LTBP3: variants seen among roughly 807,000 people sequenced by gnomAD.
The protein encoded by LTBP3 is latent-transforming growth factor beta-binding protein 3.
LTBP3 carries 97 observed loss-of-function variants against 159.7 expected under a neutral mutation model. The observed-to-expected ratio is 0.61, with a 90% CI of 0.52 to 0.72. The LOEUF (loss-of-function observed/expected upper bound fraction) is 0.72, where lower values mean the gene tolerates loss of function less well. Ranked by LOEUF, LTBP3 falls within the 30% of genes least tolerant of loss-of-function variation. The probability of loss-of-function intolerance (pLI) is 0.00; values close to 1 mark genes in which losing one functional copy is unlikely to be tolerated. For missense variants in LTBP3, 1,584 were observed against 1,864.3 expected (o/e 0.85, Z 2.77); for synonymous variants, 824 against 777.1 (o/e 1.06, Z -1.00).
Position 65,543,133 on chromosome 11 carries a change from A to G in LTBP3, c.2568T>C (p.His856=), listed in dbSNP as rs769259701. 9.3e-6 allele frequency: 15 copies of G among 1,614,138 alleles called. No homozygotes were observed. Among genetic ancestry groups the G allele is most frequent in the South Asian group, 6.6e-5 (6 of 91,086 alleles). The part of the protein sequence containing the change: ...GSYRCLCPQG[H]RLVGGRKCQD... The stretch of plus-strand genomic sequence containing the variant: ...GGCATTTCCTGCCACCCACCAGCCG[A>G]TGCCCCTGGGGGCAAAGACATCTGT... Residue 856 remains histidine (H), a synonymous_variant, in exon 18 of 28, where the codon CAT becomes CAC. Coordinates refer to ENST00000301873, the MANE Select transcript of LTBP3 (RefSeq NM_001130144.3).
chr11:65,554,314 G>C lies in LTBP3; in HGVS notation c.398C>G (p.Pro133Arg). 1.2e-6 allele frequency: 2 copies of C among 1,611,920 alleles called. No individual in the cohort carries two copies. Among genetic ancestry groups the C allele is most frequent in the Non-Finnish European group, 1.7e-6 (2 of 1,179,674 alleles). The change falls in exon 2 of 28, where the codon CCG (proline) becomes CGG (arginine). Residue 133 changes from proline (P) to arginine (R), a missense_variant. Physicochemically the swap from Pro to Arg is moderately radical, Grantham distance 103. Coordinates refer to ENST00000301873, the MANE Select transcript of LTBP3 (RefSeq NM_001130144.3). The surrounding 1 kb of genome is among the most constrained non-coding windows in gnomAD (Gnocchi z 5.3). ...CSSRNQCLCP[P>R]DFTGRFCQVP... Reference sequence around the variant, plus strand: ...CTGGCAGAAGCGCCCAGTGAAGTCCGGGGGACACAGGCACTGGTTTCGCGA... The same window carrying C: ...CTGGCAGAAGCGCCCAGTGAAGTCCCGGGGACACAGGCACTGGTTTCGCGA...
In LTBP3 at chr11:65,558,250, A is replaced by G. The variant is rs1590792833; in HGVS notation, c.-291T>C. ...CAAGTTGAGGCGGAGAGGAGGAGCGAGGGAGAGGAAGGCCGGGCGGCCGGC... is the reference window on the plus strand; with the variant it reads ...CAAGTTGAGGCGGAGAGGAGGAGCGGGGGAGAGGAAGGCCGGGCGGCCGGC... On this transcript the variant is annotated 5_prime_UTR_variant, in exon 1 of 28. Transcript: ENST00000301873. 9.9e-7 allele frequency: 1 copy of G among 1,014,156 alleles called. No homozygotes were observed. The highest frequency in any genetic ancestry group is 6.2e-5 in the East Asian group (1 of 16,202). The allele number at this position is 1,014,156 out of a possible 1,614,324, so 62.8% of individuals were successfully genotyped here.
intron 8 of LTBP3, 194 bp downstream of exon 8, chr11:65,551,778 A>T (rs1319151758): frequency 2.2e-6 from 2 of 906,996 alleles, no homozygotes; most frequent in Non-Finnish European, 3.5e-6. Flanking sequence ...GTCAGGCTGT[A>T]GAAGGCTTAG....
intron 16 of LTBP3, chr11:65,545,011 C>A (rs1856306323): frequency 6.4e-6 from 1 of 155,894 alleles, no homozygotes; most frequent in African/African-American, 2.4e-5. Context: ...CTACCAGGGA[C>A]CTTCTTGCCA....
At chr11:65,541,000 C>G (rs141170789) in intron 20 of LTBP3, 46 bp from the exon 21 acceptor site, 14 of 1,594,984 alleles carry the variant, frequency 8.8e-6, no homozygotes, top group Non-Finnish European at 1.2e-5. Context: ...CAGGACTGAG[C>G]GCGCGCGTGG....
chr11:65,551,061 G>A (rs1014634955), intron 11 of LTBP3, 65 bp downstream of exon 11: 4 of 1,302,374 alleles, frequency 3.1e-6, no homozygotes, highest in South Asian at 2.5e-5. Flanking sequence ...GGGGCGGGAG[G>A]GAGGAGAGAA....
chr11:65,553,757 G>A lies in LTBP3; in HGVS notation c.808C>T (p.Pro270Ser), dbSNP rs762151824. Residue 270 changes from proline to serine, a missense_variant, in exon 3 of 28, where the codon CCG becomes TCG. This residue lies in a region of LTBP3 where 194 missense variants were observed against 198.7 expected (regional missense o/e 0.98). Transcript: ENST00000301873. This position sits in a 1 kb window ranked among gnomAD's most constrained non-coding sequence, Gnocchi z 6.5. ...CGGCCCAGGGGCTTCTGGGTGGGCG[G>A]CCGGGGGTGCGAGGGCTTGGGGTGC... is the stretch of plus-strand genomic sequence containing the variant. Reference protein sequence around the residue: ...LPHPKPSHPRPPTQKPLGRCF... With the variant: ...LPHPKPSHPRSPTQKPLGRCF... 3 of 1,574,810 alleles carry A rather than the reference G, an allele frequency of 1.9e-6. No homozygotes were observed. The highest frequency in any genetic ancestry group is 2.7e-5 in the African/African-American group (2 of 74,554).
At chr11:65,555,678 G>C (rs1274511071) in intron 1 of LTBP3, among the ~76,000 whole-genome samples, 1 of 152,200 alleles carries the variant, frequency 6.6e-6, no homozygotes, top group Non-Finnish European at 1.5e-5. Context: ...CTGAGGGAGA[G>C]GATGGGACCT....
At position 65,542,935 on chromosome 11, in the gene LTBP3, T is replaced by TAGAA. The variant is rs1856208407; in HGVS notation, c.2596+169_2596+170insTTCT. 3 of 579,400 alleles carry TAGAA rather than the reference T, an allele frequency of 5.2e-6. No individual in the cohort carries two copies. The African/African-American group carries it at 7.2e-5, about 14-fold the overall frequency. The allele number at this position is 579,400 out of a possible 1,614,324, so 35.9% of individuals were successfully genotyped here. A position where few individuals can be genotyped will look rare whatever the true frequency, so the allele number is the denominator to read the frequency against. On this transcript the variant is annotated intron_variant, in intron 18 of 27. Transcript: ENST00000301873. ...ATGGAAGGATGGATGGATAGAAGGATGGATGGATGGATGGATGGATGGATG... is the reference window on the plus strand; with the variant it reads ...ATGGAAGGATGGATGGATAGAAGGATAGAAGGATGGATGGATGGATGGATGGATG...
chr11:65,557,925 G>T lies in LTBP3; in HGVS notation c.35C>A (p.Ala12Asp), dbSNP rs1856868409. The change falls in exon 1 of 28, where the codon GCC becomes GAC. Residue 12 changes from alanine (A) to aspartate (D), a missense_variant. Transcript: ENST00000301873. ...CGCCCCCGCCCCGCGCATCTCAGGG[G>T]CCAGGCCGCCAGCAGCCCCTCGGGG... ...PGPRGAAGGL[A>D]PEMRGAGAAG... The T allele has an allele frequency of 2.4e-6, 3 of 1,230,518 alleles. No homozygotes were observed. The highest frequency in any genetic ancestry group is 1.6e-5 in the African/African-American group (1 of 62,816). The allele number at this position is 1,230,518 out of a possible 1,614,324, so 76.2% of individuals were successfully genotyped here.
Position 65,546,717 on chromosome 11 carries a change from A to ACCCCCCCCCC in LTBP3, c.2230+80_2230+81insGGGGGGGGGG. 2.8e-5 allele frequency: 43 copies of ACCCCCCCCCC among 1,519,206 alleles called. No homozygotes were observed. Among genetic ancestry groups the ACCCCCCCCCC allele is most frequent in the Non-Finnish European group, 3.6e-5 (41 of 1,131,110 alleles). 94.1% of individuals were successfully genotyped at this position (1,519,206 alleles called of 1,614,324 possible). ...CCCCCAGACGCCAATCACCACCGCT[A>ACCCCCCCCCC]CCCCGCCCCGCCCCCAGCGGAGCCA... On this transcript the variant is annotated intron_variant, in intron 15 of 27. Transcript: ENST00000301873. This position sits in a 1 kb window ranked among gnomAD's most constrained non-coding sequence, Gnocchi z 4.0.
Position 65,553,415 on chromosome 11 carries a change from A to C in LTBP3, c.970+10T>G, listed in dbSNP as rs1379805108. 3.7e-6 allele frequency: 6 copies of C among 1,608,682 alleles called. No homozygotes were observed. Among genetic ancestry groups the C allele is most frequent in the Non-Finnish European group, 5.1e-6 (6 of 1,177,118 alleles). On this transcript the variant is annotated intron_variant, in intron 4 of 27. Coordinates refer to ENST00000301873, the MANE Select transcript of LTBP3 (RefSeq NM_001130144.3). The surrounding 1 kb of genome is among the most constrained non-coding windows in gnomAD (Gnocchi z 6.5). ...CAGATAGGGAACGCCCCCTGAGCCC[A>C]AGCACTCACACTGCAGCTGGGGACA...
At chr11:65,539,685 C>G in intron 25 of LTBP3, 35 bp downstream of exon 25, 1 of 1,574,416 alleles carries the variant, frequency 6.4e-7, no homozygotes. Flanking sequence ...GGCCCCCATC[C>G]TCGCTCCCGG....
At position 65,543,118 on chromosome 11, in the gene LTBP3, GCCAC is replaced by G. The variant is rs1402802838; in HGVS notation, c.2579_2582del (p.Gly860AlafsTer7). The G allele has an allele frequency of 6.2e-7, 1 of 1,613,900 alleles. No individual in the cohort carries two copies. The highest frequency in any genetic ancestry group is 8.5e-7 in the Non-Finnish European group (1 of 1,179,976). ...AGTCCCCCATACCTTGGCATTTCCT[GCCAC>G]CCACCAGCCGATGCCCCTGGGGGCA... On this transcript the variant is annotated frameshift_variant, in exon 18 of 28. Coordinates refer to ENST00000301873, the MANE Select transcript of LTBP3 (RefSeq NM_001130144.3). LOFTEE classifies it high-confidence loss of function.
In LTBP3 at chr11:65,554,625, C is replaced by T. The variant is rs111236786; in HGVS notation, c.332-245G>A. ...CAGCTGTGCGACCCTGAGCAACTCA[C>T]GTCCCCTCCCTGTGCCCCAGCGTCC... On this transcript the variant is annotated intron_variant, in intron 1 of 27. Transcript: ENST00000301873. The surrounding 1 kb of genome is among the most constrained non-coding windows in gnomAD (Gnocchi z 5.3). Among the ~76,000 whole-genome samples, 8 of 152,170 alleles carry T rather than the reference C, an allele frequency of 5.3e-5. No individual in the cohort carries two copies. The highest frequency in any genetic ancestry group is 1.7e-4 in the African/African-American group (7 of 41,504).
chr11:65,545,213 T>A, intron 16 of LTBP3: 15 of 172,598 alleles, frequency 8.7e-5, no homozygotes, highest in Non-Finnish European at 1.3e-4. Context: ...CTGCCATCCC[T>A]CCCCCACCAT....
rs1431523174 is a variant in LTBP3, at chr11:65,541,637, C to G, written c.2688G>C (p.Glu896Asp). 6.2e-7 allele frequency: 1 copy of G among 1,614,144 alleles called. No individual in the cohort carries two copies. Among genetic ancestry groups the G allele is most frequent in the South Asian group, 1.1e-5 (1 of 91,090 alleles). ...LQGSYVCVCD[E>D]GFTPTQDQHG... ...GCTGGTCCTGGGTGGGAGTGAAGCC[C>G]TCATCGCAGACACACACATAGGAGC... Residue 896 changes from glutamate (E) to aspartate (D), a missense_variant, in exon 19 of 28, where the codon GAG becomes GAC. Physicochemically the swap from Glu to Asp is conservative, Grantham distance 45 (BLOSUM62 2). This residue lies in a region of LTBP3 where 565 missense variants were observed against 677.7 expected (regional missense o/e 0.83). Transcript: ENST00000301873.
At position 65,543,542 on chromosome 11, in the gene LTBP3, G is replaced by A. The variant is rs144473996; in HGVS notation, c.2361C>T (p.Asp787=). The A allele has an allele frequency of 7.6e-5, 122 of 1,613,838 alleles. No individual in the cohort carries two copies. The highest frequency in any genetic ancestry group is 6.6e-4 in the Middle Eastern group (4 of 6,082). The change falls in exon 17 of 28, where the codon GAC becomes GAT. Residue 787 remains aspartate, a synonymous_variant. Transcript: ENST00000301873. ...CACACACGTCCCCAGCCTCACACTCGTCCACATCTGCAGGGCATAGGGGGT... is the reference window on the plus strand; with the variant it reads ...CACACACGTCCCCAGCCTCACACTCATCCACATCTGCAGGGCATAGGGGGT... ...APDGRSCLDV[D]ECEAGDVCDN... is the part of the protein sequence containing the mutation.
At position 65,558,037 on chromosome 11, in the gene LTBP3, C is replaced by G; in HGVS notation, c.-78G>C. The G allele has an allele frequency of 9.4e-7, 1 of 1,065,492 alleles. No individual in the cohort carries two copies. Among genetic ancestry groups the G allele is most frequent in the African/African-American group, 1.7e-5 (1 of 59,282 alleles). The allele number at this position is 1,065,492 out of a possible 1,614,324, so 66.0% of individuals were successfully genotyped here. ...CCCGCGCCCGAAGGGAGTAGAGGGC[C>G]GGGAGCCCCGGGAGAGGGTAGGGGG... On this transcript the variant is annotated 5_prime_UTR_variant, in exon 1 of 28. Coordinates refer to ENST00000301873, the MANE Select transcript of LTBP3 (RefSeq NM_001130144.3).
Sources: gnomAD v4.1 joint callset for allele counts (sites outside exome capture counted in the v4.1 genomes callset) on GRCh38, gnomAD v4.1.1 for gene constraint, gnomAD v4.1.1 regional missense constraint, Gnocchi (gnomAD v3.1) non-coding constraint, MANE v1.5 for transcripts, NCBI Gene and HGNC (gene_info 2026-07-23, HGNC 2026-07-21) for gene names.